Variants in CA1 observed in about 807,000 individuals in gnomAD.
CA1 encodes the protein carbonate dehydratase I.
Under a neutral mutation model 28.8 loss-of-function variants are expected in CA1, and 27 were observed. The ratio of observed to expected loss-of-function variants is 0.94; its 90% CI spans 0.69 to 1.29. CA1 has a LOEUF of 1.29. Ranked by LOEUF, CA1 falls within the 50% of genes most tolerant of loss-of-function variation. The pLI, the probability that CA1 is intolerant of heterozygous loss-of-function variation, is 0.00. For synonymous variants in CA1, 121 were observed against 108.8 expected (o/e 1.11, Z -0.70); for missense variants, 335 against 310.5 (o/e 1.08, Z -0.59).
At chr8:85,373,005 C>G (rs1810286019) in intron 1 of CA1, among the ~76,000 whole-genome samples, 1 of 152,164 alleles carries the variant, frequency 6.6e-6, no homozygotes, top group Non-Finnish European at 1.5e-5. Context: ...TCAGTCCTTC[C>G]TTTAAGTGAA....
chr8:85,332,170 CTT>C (rs1808433844), intron 6 of CA1, among the ~76,000 whole-genome samples: 1 of 152,074 alleles, frequency 6.6e-6, no homozygotes, highest in Admixed American at 6.6e-5. Context: ...CTAGAGATAT[CTT>C]TATTTATCAA....
chr8:85,360,151 A>T (rs1220320007), intron 1 of CA1, among the ~76,000 whole-genome samples: 1 of 152,204 alleles, frequency 6.6e-6, no homozygotes, highest in African/African-American at 2.4e-5. Flanking sequence ...AAGATAAAAT[A>T]TGAGATTTTG....
Position 85,328,111 on chromosome 8 carries a change from G to A in CA1, c.*449C>T, listed in dbSNP as rs935825169. 1.3e-5 allele frequency: 2 copies of A among 155,350 alleles called. No individual in the cohort carries two copies. The highest frequency in any genetic ancestry group is 4.8e-5 in the African/African-American group (2 of 41,448). The allele number at this position is 155,350 out of a possible 1,614,324, so 9.6% of individuals were successfully genotyped here. On this transcript the variant is annotated 3_prime_UTR_variant, in exon 8 of 8. Transcript: ENST00000523022. ...TGAATTTCCCAATATTTCATCTCCA[G>A]CTGCTCTTAGGTTGTTGTATTTGAA... is the stretch of plus-strand genomic sequence containing the variant.
In CA1 at chr8:85,328,514, A is replaced by G. The variant is rs1585908278; in HGVS notation, c.*46T>C. 5.0e-6 allele frequency: 5 copies of G among 993,088 alleles called. No individual in the cohort carries two copies. Among genetic ancestry groups the G allele is most frequent in the South Asian group, 3.9e-5 (3 of 76,700 alleles). The allele number at this position is 993,088 out of a possible 1,614,324, so 61.5% of individuals were successfully genotyped here. ...TATTATTTTACTGGATTATGTCAGAAGCAGGGCTGTGTTCTTGAGGAAGGA... is the reference window on the plus strand; with the variant it reads ...TATTATTTTACTGGATTATGTCAGAGGCAGGGCTGTGTTCTTGAGGAAGGA... On this transcript the variant is annotated 3_prime_UTR_variant, in exon 8 of 8. Transcript: ENST00000523022.
At position 85,328,576 on chromosome 8, in the gene CA1, A is replaced by C. The variant is rs766788186; in HGVS notation, c.770T>G (p.Val257Gly). 1 of 1,604,060 alleles carries C rather than the reference A, an allele frequency of 6.2e-7. No individual in the cohort carries two copies. Among genetic ancestry groups the C allele is most frequent in the South Asian group, 1.1e-5 (1 of 90,684 alleles). The change falls in exon 8 of 8, where the codon GTG (valine) becomes GGG (glycine). Residue 257 changes from valine (V) to glycine (G), a missense_variant. Val to Gly is a moderately radical substitution (Grantham distance 109). Coordinates refer to ENST00000523022, the MANE Select transcript of CA1 (RefSeq NM_001128831.4). ...RPTQPLKGRT[V>G]RASF ...TCAGAATCATCAAAATGAAGCTCTCACTGTTCTGCCCTTCAGAGGTTGGGT... is the reference window on the plus strand; with the variant it reads ...TCAGAATCATCAAAATGAAGCTCTCCCTGTTCTGCCCTTCAGAGGTTGGGT...
At chr8:85,366,165 CTTTT>C (rs11395706) in intron 1 of CA1, among the ~76,000 whole-genome samples, 1 of 128,282 alleles carries the variant, frequency 7.8e-6, no homozygotes, top group Non-Finnish European at 1.6e-5. Context: ...CTTTCTTCCC[CTTTT>C]TTTTTTTTTT....
chr8:85,374,418 G>A lies in CA1; in HGVS notation c.-25+3628C>T, dbSNP rs145965127. On this transcript the variant is annotated intron_variant, in intron 1 of 7. Transcript: ENST00000523022. ...TTTTTGTTTGTTCTTATTAATACTG[G>A]GATTCATAAAACTTCACACACATTT... Among the ~76,000 whole-genome samples, 543 of 152,000 alleles carry A rather than the reference G, an allele frequency of 3.6e-3. 3 individuals are homozygous for A. The highest frequency in any genetic ancestry group is 0.011 in the African/African-American group (455 of 41,444).
At chr8:85,342,408 T>C (rs1808965496) in intron 1 of CA1, among the ~76,000 whole-genome samples, 4 of 152,198 alleles carry the variant, frequency 2.6e-5, no homozygotes, top group Admixed American at 2.6e-4. Flanking sequence ...ACAAATGCTA[T>C]ATAGTAAGAA....
At chr8:85,354,591 G>A (rs1431600602) in intron 1 of CA1, among the ~76,000 whole-genome samples, 1 of 152,162 alleles carries the variant, frequency 6.6e-6, no homozygotes, top group Non-Finnish European at 1.5e-5. Flanking sequence ...GCAGATTCAA[G>A]GTGGAGTCAC....
chr8:85,359,542 G>T (rs1361189797), intron 1 of CA1, among the ~76,000 whole-genome samples: 1 of 152,208 alleles, frequency 6.6e-6, no homozygotes, highest in Non-Finnish European at 1.5e-5. Context: ...GACCCTTCTT[G>T]TATTAATTGG....
At chr8:85,337,673 TAGTCCCA>T (rs1415339835) in intron 3 of CA1, among the ~76,000 whole-genome samples, 1 of 152,188 alleles carries the variant, frequency 6.6e-6, no homozygotes, top group Non-Finnish European at 1.5e-5. Flanking sequence ...ATAATGGACA[TAGTCCCA>T]AGGTGCCTAA....
intron 4 of CA1, among the ~76,000 whole-genome samples, chr8:85,336,614 G>A (rs1808664935): frequency 6.6e-6 from 1 of 152,190 alleles, no homozygotes; most frequent in African/African-American, 2.4e-5. Context: ...AAGAGGAAAT[G>A]ATGGTGTGTT....
At chr8:85,360,337 T>C (rs1011624268) in intron 1 of CA1, among the ~76,000 whole-genome samples, 2 of 152,166 alleles carry the variant, frequency 1.3e-5, no homozygotes, top group African/African-American at 4.8e-5. Flanking sequence ...CCTGTCAATC[T>C]AAAAGGTAAA....
intron 1 of CA1, among the ~76,000 whole-genome samples, chr8:85,356,148 T>A (rs565843084): frequency 3.3e-4 from 50 of 152,220 alleles, no homozygotes; most frequent in Non-Finnish European, 4.6e-4. Flanking sequence ...ACATTGAATG[T>A]TGTCATATGT....
intron 1 of CA1, among the ~76,000 whole-genome samples, chr8:85,356,607 T>C (rs959479318): frequency 4.6e-5 from 7 of 152,190 alleles, no homozygotes; most frequent in Non-Finnish European, 8.8e-5. Context: ...AAATTAAAAA[T>C]TTAAAATTAG....
At chr8:85,360,122 T>C (rs1564042449) in intron 1 of CA1, among the ~76,000 whole-genome samples, 1 of 152,204 alleles carries the variant, frequency 6.6e-6, no homozygotes, top group Non-Finnish European at 1.5e-5. Flanking sequence ...ATAGCCCTTC[T>C]TCCATAAATC....
At chr8:85,352,908 C>T (rs28374574) in intron 1 of CA1, among the ~76,000 whole-genome samples, 16,918 of 152,124 alleles carry the variant, frequency 0.11, 1,307 homozygotes, top group Middle Eastern at 0.2. Context: ...GCTTCTAATC[C>T]AGGACCTCTT....
intron 1 of CA1, among the ~76,000 whole-genome samples, chr8:85,366,119 C>T (rs1809996783): frequency 6.6e-6 from 1 of 151,782 alleles, no homozygotes; most frequent in Non-Finnish European, 1.5e-5. Context: ...TATTGTTAAT[C>T]CACACAGTTA....
At chr8:85,338,956 T>A (rs545448588) in intron 2 of CA1, among the ~76,000 whole-genome samples, 55 of 152,148 alleles carry the variant, frequency 3.6e-4, no homozygotes, top group Non-Finnish European at 6.5e-4. Flanking sequence ...CTTCAAGTGA[T>A]CCACCTGCCT....
Sources: allele counts gnomAD v4.1 joint callset (sites outside exome capture counted in the v4.1 genomes callset), GRCh38; gene constraint gnomAD v4.1.1; transcripts MANE v1.5; gene names NCBI Gene and HGNC (gene_info 2026-07-23, HGNC 2026-07-21).